MDH2: variants seen among roughly 807,000 people sequenced by gnomAD.
MDH2 encodes malate dehydrogenase, mitochondrial.
In MDH2, 25 loss-of-function variants were observed where a neutral mutation model predicts 33.6. The ratio of observed to expected loss-of-function variants is 0.74; its 90% CI spans 0.54 to 1.04. The LOEUF is 1.04. Among genes scored for constraint, MDH2 ranks in the 50% least tolerant of loss-of-function variants. The probability of loss-of-function intolerance (pLI) is 0.00; values close to 1 mark genes in which losing one functional copy is unlikely to be tolerated. For synonymous variants in MDH2, 193 were observed against 188.7 expected, an observed-to-expected ratio of 1.02 and a Z score of -0.19; for missense variants, 432 against 445.0, an observed-to-expected ratio of 0.97 and a Z score of 0.26.
chr7:76,061,093 T>TGGTGCC (rs1291879611), intron 5 of MDH2, among the ~76,000 whole-genome samples: 1 of 152,104 alleles, frequency 6.6e-6, no homozygotes, highest in Non-Finnish European at 1.5e-5. Flanking sequence ...CGGCTTGGTT[T>TGGTGCC]GGTGCCAGTG....
chr7:76,063,387 C>T, intron 5 of MDH2, 128 bp from the exon 6 acceptor site: 1 of 836,146 alleles, frequency 1.2e-6, no homozygotes, highest in Non-Finnish European at 2.0e-6. Flanking sequence ...ACAGGGCCTC[C>T]TCCTAGCTGG....
intron 2 of MDH2, among the ~76,000 whole-genome samples, chr7:76,056,738 C>T (rs1346181158): frequency 6.6e-6 from 1 of 152,168 alleles, no homozygotes; most frequent in Non-Finnish European, 1.5e-5. Flanking sequence ...TTTGGGCTGG[C>T]ACAGTGGGTC....
chr7:76,049,830 C>T (rs1380896470), intron 1 of MDH2, among the ~76,000 whole-genome samples: 4 of 151,964 alleles, frequency 2.6e-5, no homozygotes, highest in Admixed American at 2.6e-4. Flanking sequence ...GAAGAGGGTA[C>T]CAATTTTATT....
chr7:76,048,318 G>A (rs1194254141), intron 1 of MDH2, 92 bp downstream of exon 1: 18 of 1,462,598 alleles, frequency 1.2e-5, no homozygotes, highest in Non-Finnish European at 1.5e-5. Context: ...CCCTCTCCAG[G>A]CCAGCCTGGA....
intron 2 of MDH2, 81 bp from the exon 3 acceptor site, chr7:76,057,328 TG>T: frequency 6.9e-7 from 1 of 1,450,722 alleles, no homozygotes; most frequent in Non-Finnish European, 9.5e-7. Context: ...GGCCATTAGT[TG>T]GCCTTAAGGC....
At chr7:76,058,229 T>C (rs1453356603) in intron 4 of MDH2, 151 bp downstream of exon 4, 3 of 691,862 alleles carry the variant, frequency 4.3e-6, no homozygotes, top group African/African-American at 3.6e-5. Context: ...AGAGGTCGGG[T>C]GCACTAAGCA....
intron 1 of MDH2, 135 bp from the exon 2 acceptor site, chr7:76,054,693 CTG>C (rs1797717934): frequency 6.0e-6 from 6 of 993,382 alleles, no homozygotes; most frequent in Middle Eastern, 6.0e-4. Flanking sequence ...CAGAATGAGA[CTG>C]TTACAAATAC....
Position 76,066,475 on chromosome 7 carries a change from C to A in MDH2, c.*65C>A. The A allele has an allele frequency of 6.5e-7, 1 of 1,527,734 alleles. No individual in the cohort carries two copies. Among genetic ancestry groups the A allele is most frequent in the Non-Finnish European group, 8.8e-7 (1 of 1,135,332 alleles). 94.6% of individuals were successfully genotyped at this position (1,527,734 alleles called of 1,614,324 possible). A position where few individuals can be genotyped will look rare whatever the true frequency, so the allele number is the denominator to read the frequency against. ...GCATCATGTCACTGCAAAGCCGTTG[C>A]AGATAAACTTTGTATTTTAATTTGC... is the stretch of plus-strand genomic sequence containing the variant. On this transcript the variant is annotated 3_prime_UTR_variant, in exon 9 of 9. Coordinates refer to ENST00000315758, the MANE Select transcript of MDH2 (RefSeq NM_005918.4).
At chr7:76,063,293 G>A (rs1004424886) in intron 5 of MDH2, among the ~76,000 whole-genome samples, 4 of 152,224 alleles carry the variant, frequency 2.6e-5, no homozygotes, top group Admixed American at 6.5e-5. Flanking sequence ...GCCAGACGGC[G>A]GCAAGCCCTC....
intron 3 of MDH2, 113 bp from the exon 4 acceptor site, chr7:76,057,856 A>C (rs1797828478): frequency 1.1e-6 from 1 of 934,254 alleles, no homozygotes; most frequent in Admixed American, 2.1e-5. Flanking sequence ...GACTGACTTG[A>C]AACGGGGACC....
chr7:76,063,424 G>A, intron 5 of MDH2, 91 bp from the exon 6 acceptor site: 1 of 1,263,896 alleles, frequency 7.9e-7, no homozygotes, highest in South Asian at 1.2e-5. Context: ...GTTCTGGGGG[G>A]CTTTTCCAGT....
chr7:76,051,647 C>T (rs145803349), intron 1 of MDH2, among the ~76,000 whole-genome samples: 4 of 152,030 alleles, frequency 2.6e-5, no homozygotes, highest in South Asian at 2.1e-4. Context: ...ACAGTAAAAG[C>T]GTAGGAAGCA....
At chr7:76,063,411 T>C in intron 5 of MDH2, 104 bp from the exon 6 acceptor site, 1 of 1,119,252 alleles carries the variant, frequency 8.9e-7, no homozygotes, top group Non-Finnish European at 1.3e-6. Context: ...TGTTCCACCC[T>C]GAGTTCTGGG....
At chr7:76,064,264 T>TAGTGGGGTA in intron 6 of MDH2, 75 bp from the exon 7 acceptor site, 1 of 1,066,854 alleles carries the variant, frequency 9.4e-7, no homozygotes, top group Admixed American at 2.4e-5. Context: ...AGGTCGGGAA[T>TAGTGGGGTA]AGTGGGGGTG....
chr7:76,048,581 C>T (rs1554584650), intron 1 of MDH2: 1 of 1,313,396 alleles, frequency 7.6e-7, no homozygotes, highest in Non-Finnish European at 9.7e-7. Flanking sequence ...TGCAGCGTTC[C>T]ATTGCTTTGA....
chr7:76,064,892 G>C lies in MDH2; in HGVS notation c.824G>C (p.Cys275Ser). The C allele has an allele frequency of 6.2e-7, 1 of 1,614,192 alleles. No homozygotes were observed. Among genetic ancestry groups the C allele is most frequent in the Non-Finnish European group, 8.5e-7 (1 of 1,180,038 alleles). Residue 275 changes from cysteine (C) to serine (S), a missense_variant, in exon 8 of 9, where the codon TGT becomes TCT. Coordinates refer to ENST00000315758, the MANE Select transcript of MDH2 (RefSeq NM_005918.4). The stretch of plus-strand genomic sequence containing the variant: ...AATGGAAAGGAAGGTGTTGTGGAAT[G>C]TTCCTTCGTTAAGTCACAGGAAACG... ...AMNGKEGVVE[C>S]SFVKSQETEC...
chr7:76,063,988 T>G (rs1278353762), intron 6 of MDH2, among the ~76,000 whole-genome samples: 1 of 152,016 alleles, frequency 6.6e-6, no homozygotes, highest in Non-Finnish European at 1.5e-5. Flanking sequence ...CGAGCTATGA[T>G]GCACCACTGA....
chr7:76,048,377 C>A, intron 1 of MDH2, 151 bp downstream of exon 1: 2 of 1,234,792 alleles, frequency 1.6e-6, no homozygotes, highest in Non-Finnish European at 2.2e-6. Context: ...CCGGGGCAGG[C>A]CCTGACACTG....
intron 2 of MDH2, among the ~76,000 whole-genome samples, chr7:76,055,737 C>CA (rs572199771): frequency 0.021 from 2,071 of 97,884 alleles, 31 homozygotes; most frequent in African/African-American, 0.054. Flanking sequence ...ACACTGTTTC[C>CA]AAAAAAAAAA....
Sources: gnomAD v4.1 joint callset for allele counts (sites outside exome capture counted in the v4.1 genomes callset) on GRCh38, gnomAD v4.1.1 for gene constraint, MANE v1.5 for transcripts, NCBI Gene and HGNC (gene_info 2026-07-23, HGNC 2026-07-21) for gene names.